EPHA6: variants seen among roughly 807,000 people sequenced by gnomAD.
The protein encoded by EPHA6 is EPH receptor A6.
In EPHA6, 50 loss-of-function variants were observed where a neutral mutation model predicts 112.0. The observed-to-expected ratio is 0.45, with a 90% CI of 0.36 to 0.56. The LOEUF is 0.56. Ranked by LOEUF, EPHA6 falls within the 20% of genes least tolerant of loss-of-function variation. The pLI, the probability that EPHA6 is intolerant of heterozygous loss-of-function variation, is 0.00. For missense variants in EPHA6, 1,280 were observed against 1,417.4 expected (o/e 0.90, Z 1.56); for synonymous variants, 529 against 490.7 (o/e 1.08, Z -1.03).
chr3:97,283,977 T>C (rs2080378037), intron 5 of EPHA6, among the ~76,000 whole-genome samples: 1 of 152,130 alleles, frequency 6.6e-6, no homozygotes, highest in Admixed American at 6.6e-5. Context: ...TAAATTCCAT[T>C]ATCTCATAAT....
chr3:96,877,301 A>G (rs2037023776), intron 2 of EPHA6, among the ~76,000 whole-genome samples: 1 of 152,058 alleles, frequency 6.6e-6, no homozygotes, highest in Non-Finnish European at 1.5e-5. Context: ...TAGACAATCC[A>G]TTTTCTCACT....
At chr3:97,672,220 A>G (rs2030918860) in intron 14 of EPHA6, among the ~76,000 whole-genome samples, 1 of 152,174 alleles carries the variant, frequency 6.6e-6, no homozygotes, top group African/African-American at 2.4e-5. Context: ...AATCACCCAA[A>G]GTGCTTTTAC....
chr3:97,195,430 T>C, intron 3 of EPHA6, among the ~76,000 whole-genome samples: 1 of 152,078 alleles, frequency 6.6e-6, no homozygotes. Context: ...TTTCTATATA[T>C]ATCTTATTTT....
At chr3:97,427,914 C>T (rs1175648704) in intron 6 of EPHA6, among the ~76,000 whole-genome samples, 1 of 152,104 alleles carries the variant, frequency 6.6e-6, no homozygotes, top group African/African-American at 2.4e-5. Context: ...CTGGGGCCTA[C>T]TTGAGGGTTG....
intron 2 of EPHA6, among the ~76,000 whole-genome samples, chr3:96,962,549 C>T (rs1427802840): frequency 4.0e-5 from 6 of 148,622 alleles, no homozygotes; most frequent in African/African-American, 1.5e-4. Context: ...GAGCCCACTC[C>T]ATCAAGAGAA....
chr3:97,419,883 A>G (rs1229204131), intron 6 of EPHA6, among the ~76,000 whole-genome samples: 3 of 152,182 alleles, frequency 2.0e-5, no homozygotes, highest in Non-Finnish European at 4.4e-5. Context: ...AAGTTTCTAA[A>G]GGCTGAGAAA....
At chr3:97,515,015 C>T (rs919963350) in intron 10 of EPHA6, among the ~76,000 whole-genome samples, 4 of 152,326 alleles carry the variant, frequency 2.6e-5, no homozygotes, top group South Asian at 4.1e-4. Context: ...CCTTACAAGA[C>T]TTCCAGGATT....
intron 3 of EPHA6, among the ~76,000 whole-genome samples, chr3:97,080,010 G>A (rs2046671836): frequency 6.6e-6 from 1 of 151,522 alleles, no homozygotes. Flanking sequence ...ACGTTAATAT[G>A]CACTTGGAAA....
chr3:97,300,124 T>C (rs1260069973), intron 5 of EPHA6, among the ~76,000 whole-genome samples: 2 of 152,192 alleles, frequency 1.3e-5, no homozygotes, highest in Non-Finnish European at 2.9e-5. Flanking sequence ...TAGATATAAA[T>C]TCCATGTTAG....
At chr3:97,085,070 A>T (rs994683775) in intron 3 of EPHA6, among the ~76,000 whole-genome samples, 1 of 152,126 alleles carries the variant, frequency 6.6e-6, no homozygotes, top group Non-Finnish European at 1.5e-5. Flanking sequence ...AAGACACATG[A>T]TTGCTTCAAA....
At chr3:97,697,340 T>C (rs1305030952) in intron 14 of EPHA6, among the ~76,000 whole-genome samples, 1 of 152,224 alleles carries the variant, frequency 6.6e-6, no homozygotes, top group Non-Finnish European at 1.5e-5. Context: ...TATTAGTTTT[T>C]CTCTCCTTGG....
chr3:96,962,894 C>G lies in EPHA6; in HGVS notation c.451-24436C>G, dbSNP rs879366849. ...CATTTCAGGCACGGTGGCTCAACACCTGTAATCTCAGCACCTTGGGAGTCT... is the reference window on the plus strand; with the variant it reads ...CATTTCAGGCACGGTGGCTCAACACGTGTAATCTCAGCACCTTGGGAGTCT... On this transcript the variant is annotated intron_variant, in intron 2 of 17. Coordinates refer to ENST00000389672, the MANE Select transcript of EPHA6 (RefSeq NM_001080448.3). 3.3e-5 allele frequency among the ~76,000 whole-genome samples: 5 copies of G among 152,154 alleles called. No homozygotes were observed. The East Asian group carries it at 9.7e-4, about 29-fold the overall frequency.
At chr3:97,385,796 C>CA (rs2086030336) in intron 5 of EPHA6, among the ~76,000 whole-genome samples, 2 of 152,174 alleles carry the variant, frequency 1.3e-5, no homozygotes, top group East Asian at 1.9e-4. Flanking sequence ...ACAAGGCTGG[C>CA]AGGAGAGAAA....
Position 97,283,007 on chromosome 3 carries a change from A to G in EPHA6, c.1606+38720A>G, listed in dbSNP as rs150296034. Among the ~76,000 whole-genome samples, 561 of 152,354 alleles carry G rather than the reference A, an allele frequency of 3.7e-3. 1 individual carries two copies. The highest frequency in any genetic ancestry group is 0.013 in the African/African-American group (523 of 41,592). On this transcript the variant is annotated intron_variant, in intron 5 of 17. Transcript: ENST00000389672. ...GAACTTAAAATAAAATAAAATTTTA[A>G]AAAAGAAAGACTGGCAATGTCAGCA...
At chr3:97,724,352 T>G (rs1456890441) in intron 15 of EPHA6, among the ~76,000 whole-genome samples, 1 of 152,142 alleles carries the variant, frequency 6.6e-6, no homozygotes, top group Non-Finnish European at 1.5e-5. Context: ...TACACAGAAC[T>G]AGTCCATAAA....
At chr3:97,247,775 C>A (rs2079025983) in intron 5 of EPHA6, among the ~76,000 whole-genome samples, 1 of 151,792 alleles carries the variant, frequency 6.6e-6, no homozygotes, top group Non-Finnish European at 1.5e-5. Context: ...TCAGAAGATG[C>A]TGGAATTTTT....
At chr3:97,594,715 TTTAAA>T (rs2107358517) in intron 12 of EPHA6, among the ~76,000 whole-genome samples, 1 of 152,320 alleles carries the variant, frequency 6.6e-6, no homozygotes, top group African/African-American at 2.4e-5. Context: ...TTTTATATTT[TTTAAA>T]AAAACTAAAG....
chr3:97,622,276 A>G (rs2093820069), intron 13 of EPHA6, among the ~76,000 whole-genome samples: 3 of 151,836 alleles, frequency 2.0e-5, no homozygotes, highest in Non-Finnish European at 4.4e-5. Flanking sequence ...AGCCCCTGGC[A>G]AACAGCATTC....
chr3:97,024,648 A>T (rs1184379182), intron 3 of EPHA6, among the ~76,000 whole-genome samples: 1 of 152,216 alleles, frequency 6.6e-6, no homozygotes, highest in Non-Finnish European at 1.5e-5. Context: ...AATCATGTTT[A>T]CATGGTTTTT....
Sources: allele counts gnomAD v4.1 joint callset (sites outside exome capture counted in the v4.1 genomes callset), GRCh38; gene constraint gnomAD v4.1.1; transcripts MANE v1.5; gene names NCBI Gene and HGNC (gene_info 2026-07-23, HGNC 2026-07-21).